Variants in GLIS3 observed in about 807,000 individuals in gnomAD.
GLIS3 encodes GLIS family zinc finger 3.
A neutral mutation model predicts 78.6 loss-of-function variants in GLIS3; 53 were observed. The observed-to-expected ratio is 0.67, with a 90% CI of 0.54 to 0.85. GLIS3 has a LOEUF of 0.85. GLIS3 is among the 40% of genes least tolerant of loss of function. The pLI is 0.00. For missense variants in GLIS3, 1,703 were observed against 1,231.1 expected, an observed-to-expected ratio of 1.38 and a Z score of -5.74; for synonymous variants, 684 against 509.9, an observed-to-expected ratio of 1.34 and a Z score of -4.60.
At chr9:4,114,184 C>G (rs761575795) in intron 4 of GLIS3, among the ~76,000 whole-genome samples, 30 of 152,100 alleles carry the variant, frequency 2.0e-4, no homozygotes, top group Non-Finnish European at 3.5e-4. Flanking sequence ...TCATGAGAAG[C>G]ACCAACAGAC....
At chr9:4,094,719 T>C (rs1829802620) in intron 4 of GLIS3, among the ~76,000 whole-genome samples, 1 of 152,200 alleles carries the variant, frequency 6.6e-6, no homozygotes. Context: ...AGACAACATG[T>C]TCTCATTTAA....
the GLIS3 span, among the ~76,000 whole-genome samples, chr9:4,482,280 A>G: frequency 6.6e-6 from 1 of 152,260 alleles, no homozygotes; most frequent in Admixed American, 6.5e-5. Context: ...TCAAGGTCAT[A>G]TAACTAATAG....
At chr9:4,258,674 A>T (rs1040796458) in intron 2 of GLIS3, among the ~76,000 whole-genome samples, 4 of 152,200 alleles carry the variant, frequency 2.6e-5, no homozygotes, top group African/African-American at 9.7e-5. Context: ...GAAACCTCAG[A>T]AACATCAGTT....
At chr9:4,021,607 T>G (rs539338070) in intron 4 of GLIS3, among the ~76,000 whole-genome samples, 4 of 152,194 alleles carry the variant, frequency 2.6e-5, no homozygotes, top group Non-Finnish European at 5.9e-5. Context: ...TATTCAACAG[T>G]TGAACACTGG....
At chr9:4,446,504 A>T in the GLIS3 span, among the ~76,000 whole-genome samples, 507 of 124,156 alleles carry the variant, frequency 4.1e-3, 4 homozygotes, top group Non-Finnish European at 7.2e-3. Context: ...AAATATCCAA[A>T]TTTTTTTTTT....
chr9:4,074,758 C>T (rs935861537), intron 4 of GLIS3, among the ~76,000 whole-genome samples: 1 of 152,174 alleles, frequency 6.6e-6, no homozygotes, highest in Non-Finnish European at 1.5e-5. Flanking sequence ...ATTTCAGCCT[C>T]CTGGTCTCAG....
intron 6 of GLIS3, among the ~76,000 whole-genome samples, chr9:3,920,280 G>C (rs1824797203): frequency 1.3e-5 from 2 of 152,176 alleles, no homozygotes; most frequent in South Asian, 4.1e-4. Flanking sequence ...TGGGATTACA[G>C]GCATGAGCCA....
chr9:4,019,269 C>T (rs565110198), intron 4 of GLIS3, among the ~76,000 whole-genome samples: 34 of 152,222 alleles, frequency 2.2e-4, no homozygotes, highest in Admixed American at 6.5e-4. Context: ...CAATCATCCT[C>T]GAGGATCATT....
intron 4 of GLIS3, among the ~76,000 whole-genome samples, chr9:4,019,646 G>C (rs1343981200): frequency 1.3e-5 from 2 of 152,104 alleles, no homozygotes; most frequent in Non-Finnish European, 2.9e-5. Context: ...TGCTATGGAG[G>C]AAAAGAAAAG....
rs1828006795 is a variant in GLIS3 at position 4,286,403 on chromosome 9, A to G, written c.23T>C (p.Met8Thr). ...GGTTCCCGATGTCCGGTGGAGACTC[A>G]TGCTGCATGATCTTCCATTCATTCT... MNGRSCS[M>T]SLHRTSGTPQ... Residue 8 changes from methionine to threonine, a missense_variant, in exon 2 of 11, where the codon ATG becomes ACG. Coordinates refer to ENST00000381971, the MANE Select transcript of GLIS3 (RefSeq NM_001042413.2). The G allele has an allele frequency of 6.2e-7, 1 of 1,614,116 alleles. No individual in the cohort carries two copies.
At chr9:4,235,317 C>G (rs75196219) in intron 2 of GLIS3, among the ~76,000 whole-genome samples, 1 of 68,006 alleles carries the variant, frequency 1.5e-5, no homozygotes. Flanking sequence ...AAAAAAAAAA[C>G]TGATGGGGGG....
At chr9:3,899,216 T>C (rs965930257) in intron 6 of GLIS3, among the ~76,000 whole-genome samples, 1 of 152,170 alleles carries the variant, frequency 6.6e-6, no homozygotes, top group Admixed American at 6.5e-5. Context: ...ATAGAAACAC[T>C]GTCATGAAAA....
chr9:3,880,264 A>G (rs1377809660), intron 7 of GLIS3, among the ~76,000 whole-genome samples: 1 of 152,212 alleles, frequency 6.6e-6, no homozygotes, highest in Non-Finnish European at 1.5e-5. Flanking sequence ...CCGTTATGAC[A>G]CAGAGAGTGA....
chr9:3,920,567 C>T (rs1824815608), intron 6 of GLIS3, among the ~76,000 whole-genome samples: 1 of 148,618 alleles, frequency 6.7e-6, no homozygotes, highest in African/African-American at 2.5e-5. Flanking sequence ...CTCAGAAATT[C>T]AGGAACTTAC....
chr9:3,970,675 T>C (rs556508844), intron 4 of GLIS3, among the ~76,000 whole-genome samples: 1 of 152,298 alleles, frequency 6.6e-6, no homozygotes, highest in African/African-American at 2.4e-5. Context: ...AGTTGCAGGA[T>C]TATTCAGCAG....
At chr9:3,965,727 C>G (rs1363278170) in intron 4 of GLIS3, among the ~76,000 whole-genome samples, 1 of 152,186 alleles carries the variant, frequency 6.6e-6, no homozygotes, top group Non-Finnish European at 1.5e-5. Flanking sequence ...AGTGATCTCT[C>G]ATTCAGCAAA....
At chr9:4,091,556 A>C (rs1316376907) in intron 4 of GLIS3, among the ~76,000 whole-genome samples, 1 of 152,210 alleles carries the variant, frequency 6.6e-6, no homozygotes, top group South Asian at 2.1e-4. Context: ...CAACCACATA[A>C]GTATGAATGT....
In GLIS3 at chr9:3,958,912, G is replaced by C. The variant is rs536817474; in HGVS notation, c.1711-21723C>G. Reference sequence around the variant, plus strand: ...TGTCGGAGGAAGCCATAAGAGAATAGCAAGAACTTCTTGCTGGTTAACTAT... The same window carrying C: ...TGTCGGAGGAAGCCATAAGAGAATACCAAGAACTTCTTGCTGGTTAACTAT... On this transcript the variant is annotated intron_variant, in intron 4 of 10. Coordinates refer to ENST00000381971, the MANE Select transcript of GLIS3 (RefSeq NM_001042413.2). Among the ~76,000 whole-genome samples, 140 of 152,322 alleles carry C rather than the reference G, an allele frequency of 9.2e-4. 1 individual carries two copies. Among genetic ancestry groups the C allele is most frequent in the African/African-American group, 3.0e-3 (124 of 41,582 alleles).
intron 4 of GLIS3, chr9:4,306,107 T>C (rs998129266): frequency 2.0e-5 from 3 of 152,182 alleles, no homozygotes; most frequent in Non-Finnish European, 4.4e-5. Context: ...CTAAATAGGA[T>C]CTTGCTTTAT....
Sources: gnomAD v4.1 joint callset for allele counts (sites outside exome capture counted in the v4.1 genomes callset) on GRCh38, gnomAD v4.1.1 for gene constraint, MANE v1.5 for transcripts, NCBI Gene and HGNC (gene_info 2026-07-23, HGNC 2026-07-21) for gene names.